Variants in HDAC9 observed in about 807,000 individuals in gnomAD.
HDAC9 encodes the protein histone deacetylase 9.
Under a neutral mutation model 139.4 loss-of-function variants are expected in HDAC9, and 41 were observed. That is an observed-to-expected ratio of 0.29 (90% CI 0.23 to 0.38). The LOEUF is 0.38. Among genes scored for constraint, HDAC9 ranks in the 10% least tolerant of loss-of-function variants. The pLI is 1.00. For missense variants in HDAC9, 1,147 were observed against 1,297.0 expected, an observed-to-expected ratio of 0.88 and a Z score of 1.78; for synonymous variants, 517 against 476.2, an observed-to-expected ratio of 1.09 and a Z score of -1.12.
intron 7 of HDAC9, among the ~76,000 whole-genome samples, chr7:18,634,232 G>A (rs1187604447): frequency 6.6e-6 from 1 of 151,838 alleles, no homozygotes; most frequent in Non-Finnish European, 1.5e-5. Flanking sequence ...TGAACCTCAT[G>A]GGTTAACGAC....
At chr7:18,767,221 T>C (rs1789907724) in intron 16 of HDAC9, 66 bp downstream of exon 16, 2 of 930,310 alleles carry the variant, frequency 2.1e-6, no homozygotes, top group Non-Finnish European at 3.2e-6. Context: ...TTTTTTGATT[T>C]ATCTATTCAG....
chr7:18,234,678 A>G (rs763575732), intron 2 of HDAC9, among the ~76,000 whole-genome samples: 1 of 152,304 alleles, frequency 6.6e-6, no homozygotes, highest in East Asian at 1.9e-4. Flanking sequence ...AGCATGTCCT[A>G]TTGTTTTTTG....
intron 1 of HDAC9, among the ~76,000 whole-genome samples, chr7:18,333,247 G>C (rs1263348294): frequency 6.6e-6 from 1 of 151,406 alleles, no homozygotes; most frequent in East Asian, 1.9e-4. Context: ...ACCATTGGAT[G>C]GGGTGAAGTT....
At chr7:18,551,763 A>G (rs542607993) in intron 2 of HDAC9, among the ~76,000 whole-genome samples, 2 of 152,336 alleles carry the variant, frequency 1.3e-5, no homozygotes, top group South Asian at 2.1e-4. Flanking sequence ...AGTTTCAAAC[A>G]GAATCAACAT....
intron 12 of HDAC9, among the ~76,000 whole-genome samples, chr7:18,692,573 A>C (rs1428876271): frequency 6.6e-6 from 1 of 152,112 alleles, no homozygotes; most frequent in Non-Finnish European, 1.5e-5. Context: ...GAAGATTTGG[A>C]TGTAAATCTA....
At chr7:18,170,359 G>A (rs964096950) in intron 2 of HDAC9, among the ~76,000 whole-genome samples, 1 of 151,064 alleles carries the variant, frequency 6.6e-6, no homozygotes, top group Non-Finnish European at 1.5e-5. Context: ...TTTGTCAGAC[G>A]GATAGATTGC....
chr7:18,458,358 A>G (rs150496572), intron 1 of HDAC9, among the ~76,000 whole-genome samples: 1 of 152,216 alleles, frequency 6.6e-6, no homozygotes, highest in Admixed American at 6.5e-5. Flanking sequence ...TGCTTCTGAT[A>G]GAAAATGGTT....
intron 21 of HDAC9, among the ~76,000 whole-genome samples, chr7:18,861,509 TCA>T (rs1341410662): frequency 6.6e-6 from 1 of 152,122 alleles, no homozygotes; most frequent in Non-Finnish European, 1.5e-5. Flanking sequence ...CATTCTCTAT[TCA>T]GAGGCGTTCC....
intron 13 of HDAC9, among the ~76,000 whole-genome samples, chr7:18,729,847 G>C (rs1004982333): frequency 6.6e-6 from 1 of 152,130 alleles, no homozygotes; most frequent in Non-Finnish European, 1.5e-5. Context: ...ACAGGATTTT[G>C]TACTTAATAG....
At chr7:18,338,727 T>C (rs532726159) in intron 1 of HDAC9, among the ~76,000 whole-genome samples, 11 of 151,546 alleles carry the variant, frequency 7.3e-5, no homozygotes, top group Non-Finnish European at 1.2e-4. Context: ...TTTTCTTTTC[T>C]TGTAATGTGT....
chr7:18,519,369 T>C (rs146930314), intron 2 of HDAC9, among the ~76,000 whole-genome samples: 2 of 152,160 alleles, frequency 1.3e-5, no homozygotes, highest in African/African-American at 4.8e-5. Context: ...ATATATTAAA[T>C]GCTCAAGAGG....
rs562557794 is a variant in HDAC9, at chr7:18,416,927, T to G, written c.-41-79335T>G. Reference sequence around the variant, plus strand: ...AGTTTTGGTTTTGAGTATTTGATTATGGTGTATTTTGGTCAAGTTTTCTTT... The same window carrying G: ...AGTTTTGGTTTTGAGTATTTGATTAGGGTGTATTTTGGTCAAGTTTTCTTT... On this transcript the variant is annotated intron_variant, in intron 1 of 3. Transcript: ENST00000413509. Among the ~76,000 whole-genome samples the G allele has an allele frequency of 2.6e-5, 4 of 152,304 alleles. No individual in the cohort carries two copies. The South Asian group carries it at 8.3e-4, about 32-fold the overall frequency.
intron 12 of HDAC9, among the ~76,000 whole-genome samples, chr7:18,694,724 G>T (rs1782914937): frequency 6.6e-6 from 1 of 152,084 alleles, no homozygotes; most frequent in Non-Finnish European, 1.5e-5. Context: ...GAGTGTATCT[G>T]CCCTGATTGA....
intron 13 of HDAC9, among the ~76,000 whole-genome samples, chr7:18,741,987 CTTAGGGG>C (rs1156996608): frequency 6.6e-6 from 1 of 152,136 alleles, no homozygotes; most frequent in East Asian, 1.9e-4. Context: ...GGAGTTATTT[CTTAGGGG>C]TTGAGCAAGA....
chr7:18,282,928 G>A (rs564312067), intron 2 of HDAC9, among the ~76,000 whole-genome samples: 130 of 125,094 alleles, frequency 1.0e-3, no homozygotes, highest in African/African-American at 3.5e-3. Context: ...GTAATAAATA[G>A]GGTATGTGAA....
chr7:18,311,946 A>G (rs1335810146), intron 1 of HDAC9, among the ~76,000 whole-genome samples: 1 of 152,144 alleles, frequency 6.6e-6, no homozygotes, highest in Non-Finnish European at 1.5e-5. Context: ...CCACTGAACC[A>G]CCCTCTTGGC....
intron 2 of HDAC9, among the ~76,000 whole-genome samples, chr7:18,523,913 C>G (rs1454981777): frequency 6.7e-6 from 1 of 149,862 alleles, no homozygotes; most frequent in Non-Finnish European, 1.5e-5. Flanking sequence ...CCTCCCCGCT[C>G]CGCCCTGCTT....
intron 6 of HDAC9, among the ~76,000 whole-genome samples, chr7:18,624,999 G>A (rs1446252653): frequency 1.3e-5 from 2 of 151,958 alleles, no homozygotes; most frequent in African/African-American, 2.4e-5. Flanking sequence ...TCTATGTTGT[G>A]CTTTACAGTA....
chr7:18,879,101 A>G (rs1165689943), intron 22 of HDAC9, among the ~76,000 whole-genome samples: 2 of 152,316 alleles, frequency 1.3e-5, no homozygotes, highest in East Asian at 3.9e-4. Flanking sequence ...ACAACTAATC[A>G]GGGAGGTGAA....
Sources: allele counts gnomAD v4.1 joint callset (sites outside exome capture counted in the v4.1 genomes callset), GRCh38; gene constraint gnomAD v4.1.1; transcripts MANE v1.5; gene names NCBI Gene and HGNC (gene_info 2026-07-23, HGNC 2026-07-21).